The following EYS variants were observed in gnomAD, a reference collection of about 807,000 sequenced individuals.
EYS encodes the protein EGF-like photoreceptor maintenance factor, also known as protein eyes shut homolog.
In EYS, 250 loss-of-function variants were observed where a neutral mutation model predicts 282.1. The observed-to-expected ratio is 0.89, with a 90% CI of 0.80 to 0.98. The LOEUF (loss-of-function observed/expected upper bound fraction) is 0.98, where lower values mean the gene tolerates loss of function less well. EYS is among the 50% of genes least tolerant of loss of function. The probability of loss-of-function intolerance (pLI) is 0.00; values close to 1 mark genes in which losing one functional copy is unlikely to be tolerated. For missense variants in EYS, 4,016 were observed against 3,709.0 expected, an observed-to-expected ratio of 1.08 and a Z score of -2.15; for synonymous variants, 1,355 against 1,282.9, an observed-to-expected ratio of 1.06 and a Z score of -1.20.
At chr6:65,330,778 A>G in intron 11 of EYS, 1 of 961,912 alleles carries the variant, frequency 1.0e-6, no homozygotes, top group Middle Eastern at 5.3e-4. Context: ...ATTTTTCTAC[A>G]TTTCTTTCAT....
intron 22 of EYS, among the ~76,000 whole-genome samples, chr6:64,649,343 C>T (rs1175884917): frequency 1.1e-5 from 1 of 90,052 alleles, no homozygotes; most frequent in Admixed American, 1.1e-4. Context: ...TCTATAACTG[C>T]CTTTTTTTTT....
chr6:65,362,838 T>C (rs1035500327), intron 8 of EYS, among the ~76,000 whole-genome samples: 10 of 152,088 alleles, frequency 6.6e-5, no homozygotes, highest in Non-Finnish European at 1.3e-4. Flanking sequence ...CTTTCATTTT[T>C]AAACTTTATA....
intron 22 of EYS, among the ~76,000 whole-genome samples, chr6:64,691,412 ATAGAG>A (rs1770377752): frequency 2.0e-5 from 3 of 152,234 alleles, no homozygotes; most frequent in Admixed American, 2.0e-4. Flanking sequence ...TAACTAATGA[ATAGAG>A]TATTTTTCAG....
chr6:65,041,837 A>T (rs1054258407), intron 13 of EYS, among the ~76,000 whole-genome samples: 1 of 151,538 alleles, frequency 6.6e-6, no homozygotes, highest in Non-Finnish European at 1.5e-5. Flanking sequence ...CTCCAGCTCC[A>T]GTACAAATTT....
In EYS at chr6:64,991,976, G is replaced by C. The variant is rs1464064821; in HGVS notation, c.2259+5606C>G. 2.0e-5 allele frequency among the ~76,000 whole-genome samples: 3 copies of C among 151,656 alleles called. 1 individual carries two copies. The highest frequency in any genetic ancestry group is 2.0e-4 in the Admixed American group (3 of 15,172). ...CTAGAGAGTGCTATCTAGATAACTA[G>C]TTCAATGATTTTCAAATAGAAGTAC... On this transcript the variant is annotated intron_variant, in intron 14 of 42. Coordinates refer to ENST00000503581, the MANE Select transcript of EYS (RefSeq NM_001142800.2).
chr6:64,224,146 G>A (rs1199108955), intron 31 of EYS, among the ~76,000 whole-genome samples: 1 of 151,972 alleles, frequency 6.6e-6, no homozygotes, highest in South Asian at 2.1e-4. Context: ...GCCTTATCCA[G>A]TCTGGTAAAT....
chr6:65,681,306 A>C (rs529980912), intron 1 of EYS, among the ~76,000 whole-genome samples: 1 of 152,144 alleles, frequency 6.6e-6, no homozygotes, highest in East Asian at 1.9e-4. Context: ...GCTATCAGCC[A>C]ACTCATTAGC....
At chr6:65,706,670 C>T (rs1297815108) in intron 1 of EYS, among the ~76,000 whole-genome samples, 1 of 152,076 alleles carries the variant, frequency 6.6e-6, no homozygotes, top group African/African-American at 2.4e-5. Context: ...TCACCTCCAA[C>T]AAAACTAGTA....
At chr6:63,743,412 A>G (rs1769133405) in intron 41 of EYS, among the ~76,000 whole-genome samples, 1 of 152,188 alleles carries the variant, frequency 6.6e-6, no homozygotes, top group Admixed American at 6.6e-5. Flanking sequence ...CCTAAGTAAT[A>G]TCTTCTGTTG....
rs1193882128 is a variant in EYS at position 64,861,258 on chromosome 6, G to A, written c.2992+25439C>T. ...TCCAGAGGGGGCTGAGGCGGCAGGG[G>A]ACTGGCATGTCAGTGCTCCCCTGAG... is the stretch of plus-strand genomic sequence containing the variant. On this transcript the variant is annotated intron_variant, in intron 19 of 42. Transcript: ENST00000503581. 3.3e-5 allele frequency among the ~76,000 whole-genome samples: 5 copies of A among 152,228 alleles called. No individual in the cohort carries two copies. In the East Asian group the frequency reaches 9.6e-4, roughly 29 times the overall value.
intron 26 of EYS, among the ~76,000 whole-genome samples, chr6:64,501,125 G>C (rs1385922898): frequency 1.4e-5 from 2 of 144,342 alleles, no homozygotes; most frequent in Admixed American, 1.4e-4. Flanking sequence ...TTCATTGCTT[G>C]GGAATTTAGA....
chr6:65,406,749 A>T (rs1207818206), intron 5 of EYS, among the ~76,000 whole-genome samples: 1 of 152,118 alleles, frequency 6.6e-6, no homozygotes, highest in East Asian at 1.9e-4. Context: ...ATGTGCAATA[A>T]AGTTGCACAT....
At chr6:65,584,546 G>A (rs1480911269) in intron 2 of EYS, among the ~76,000 whole-genome samples, 1 of 151,876 alleles carries the variant, frequency 6.6e-6, no homozygotes, top group Non-Finnish European at 1.5e-5. Context: ...AAAATTTGAA[G>A]AATTAGTAAC....
intron 36 of EYS, among the ~76,000 whole-genome samples, chr6:63,823,182 T>C (rs376335672): frequency 6.6e-5 from 10 of 152,168 alleles, no homozygotes; most frequent in East Asian, 5.8e-4. Flanking sequence ...AATATTTACC[T>C]TTTTCTCCCC....
In EYS at chr6:65,338,834, G is replaced by T. The variant is rs1006846873; in HGVS notation, c.1600-3688C>A. ...CATAACACAATATTATTACCCCAAA[G>T]TCACTTCATCTGTAGAGAAATTAAC... On this transcript the variant is annotated intron_variant, in intron 10 of 42. Transcript: ENST00000503581. Among the ~76,000 whole-genome samples the T allele has an allele frequency of 2.0e-5, 3 of 150,884 alleles. No individual in the cohort carries two copies. The East Asian group carries it at 5.9e-4, about 29-fold the overall frequency.
chr6:65,447,337 T>G (rs1208485363), intron 5 of EYS, among the ~76,000 whole-genome samples: 1 of 145,216 alleles, frequency 6.9e-6, no homozygotes. Context: ...TGTGTGTATA[T>G]ATATATATAA....
chr6:65,444,284 T>C (rs980997998), intron 5 of EYS, among the ~76,000 whole-genome samples: 2 of 152,068 alleles, frequency 1.3e-5, no homozygotes, highest in Non-Finnish European at 2.9e-5. Context: ...AATTTTGGCT[T>C]TGTGGATTCT....
chr6:65,415,025 G>A (rs888440624), intron 5 of EYS, among the ~76,000 whole-genome samples: 2 of 152,010 alleles, frequency 1.3e-5, no homozygotes, highest in African/African-American at 4.8e-5. Context: ...AGAGTGTGAT[G>A]TTTTAAAAAT....
At chr6:64,945,971 T>C (rs1769276536) in intron 14 of EYS, 57 bp from the exon 15 acceptor site, 2 of 1,309,048 alleles carry the variant, frequency 1.5e-6, no homozygotes, top group Admixed American at 2.6e-5. Flanking sequence ...AAGCCTATAA[T>C]ACAGATATTA....
Sources: gnomAD v4.1 joint callset for allele counts (sites outside exome capture counted in the v4.1 genomes callset) on GRCh38, gnomAD v4.1.1 for gene constraint, MANE v1.5 for transcripts, NCBI Gene and HGNC (gene_info 2026-07-23, HGNC 2026-07-21) for gene names.